CSMD3: variants seen among roughly 807,000 people sequenced by gnomAD.
The protein encoded by CSMD3 is CUB and sushi domain-containing protein 3.
CSMD3 carries 177 observed loss-of-function variants against 435.2 expected under a neutral mutation model. The ratio of observed to expected loss-of-function variants is 0.41; its 90% CI spans 0.36 to 0.46. CSMD3 has a LOEUF of 0.46. Ranked by LOEUF, CSMD3 falls within the 20% of genes least tolerant of loss-of-function variation. The pLI is 0.34. For missense variants in CSMD3, 4,265 were observed against 4,504.6 expected (o/e 0.95, Z 1.52); for synonymous variants, 1,656 against 1,520.5 (o/e 1.09, Z -2.07).
In CSMD3 at chr8:112,593,157, A is replaced by G. The variant is rs1831344002; in HGVS notation, c.3716-5922T>C. ...TAGAAGAACCAGTGATTCATACGCC[A>G]TTCTAAGACATTTGAACTTTATCTT... On this transcript the variant is annotated intron_variant, in intron 22 of 70. Transcript: ENST00000297405. 5.3e-5 allele frequency among the ~76,000 whole-genome samples: 8 copies of G among 152,236 alleles called. No homozygotes were observed. In the South Asian group the frequency reaches 1.7e-3, roughly 32 times the overall value.
intron 13 of CSMD3, among the ~76,000 whole-genome samples, chr8:112,749,326 C>T (rs762990899): frequency 9.9e-5 from 15 of 152,092 alleles, no homozygotes; most frequent in African/African-American, 2.4e-4. Context: ...TTTTGTTGTG[C>T]GCAGGCTCTT....
chr8:112,987,380 G>C (rs1043349541), intron 6 of CSMD3, among the ~76,000 whole-genome samples: 12 of 152,010 alleles, frequency 7.9e-5, no homozygotes, highest in African/African-American at 2.9e-4. Flanking sequence ...AAACGTATTT[G>C]ACATTCCAAT....
rs1373983628 is a variant in CSMD3 at position 112,921,030 on chromosome 8, CACACAT to C, written c.1633+591_1633+596del. 2.0e-3 allele frequency among the ~76,000 whole-genome samples: 283 copies of C among 139,874 alleles called. 3 individuals are homozygous for C. Among genetic ancestry groups the C allele is most frequent in the East Asian group, 9.3e-3 (47 of 5,046 alleles). 91.8% of individuals were successfully genotyped at this position (139,874 alleles called of 152,430 possible). ...ACACACACACACACACACACACACA[CACACAT>C]ATATATACCTCCAGTAATTCCAGAT... On this transcript the variant is annotated intron_variant, in intron 10 of 70. Transcript: ENST00000297405.
intron 7 of CSMD3, among the ~76,000 whole-genome samples, chr8:112,961,640 A>G (rs2084233887): frequency 6.6e-6 from 1 of 151,982 alleles, no homozygotes; most frequent in Non-Finnish European, 1.5e-5. Context: ...CTGTGTTTTA[A>G]TAAAACTAAT....
intron 32 of CSMD3, among the ~76,000 whole-genome samples, chr8:112,441,714 A>G (rs1036384171): frequency 2.0e-5 from 3 of 152,192 alleles, no homozygotes; most frequent in African/African-American, 7.2e-5. Flanking sequence ...AAGGAGAAGA[A>G]TGAGAGAAGT....
chr8:112,535,344 T>C (rs1295496367), intron 27 of CSMD3, among the ~76,000 whole-genome samples: 2 of 152,272 alleles, frequency 1.3e-5, no homozygotes, highest in African/African-American at 4.8e-5. Flanking sequence ...AAAATCAGTG[T>C]ACAAAAATCA....
intron 4 of CSMD3, among the ~76,000 whole-genome samples, chr8:113,135,875 C>A (rs2091405043): frequency 6.6e-6 from 1 of 151,596 alleles, no homozygotes; most frequent in Non-Finnish European, 1.5e-5. Flanking sequence ...CGGGTAACTT[C>A]AAAATATTAA....
At chr8:113,332,725 A>G (rs1231284104) in intron 1 of CSMD3, among the ~76,000 whole-genome samples, 4 of 151,772 alleles carry the variant, frequency 2.6e-5, no homozygotes, top group East Asian at 3.9e-4. Context: ...TTCAAGCAGT[A>G]CCTTGCAAAA....
At chr8:113,394,743 T>C (rs986585660) in intron 1 of CSMD3, among the ~76,000 whole-genome samples, 1 of 152,108 alleles carries the variant, frequency 6.6e-6, no homozygotes, top group African/African-American at 2.4e-5. Context: ...CATCAACATG[T>C]ACATGAAAGA....
At chr8:112,997,709 C>A (rs559741145) in intron 6 of CSMD3, among the ~76,000 whole-genome samples, 3 of 151,556 alleles carry the variant, frequency 2.0e-5, no homozygotes, top group African/African-American at 7.2e-5. Flanking sequence ...GCTTTTTATG[C>A]TAAATCTCTC....
At chr8:112,880,726 G>GT (rs2081423785) in intron 10 of CSMD3, among the ~76,000 whole-genome samples, 1 of 151,818 alleles carries the variant, frequency 6.6e-6, no homozygotes, top group Middle Eastern at 3.4e-3. Flanking sequence ...TTGGATTTTT[G>GT]TTTTTTTGTC....
At chr8:112,225,964 GCTAT>G (rs1812514992) in intron 70 of CSMD3, among the ~76,000 whole-genome samples, 1 of 152,122 alleles carries the variant, frequency 6.6e-6, no homozygotes, top group Admixed American at 6.6e-5. Flanking sequence ...CAGACTTGCT[GCTAT>G]CTGTTTCTGG....
intron 5 of CSMD3, among the ~76,000 whole-genome samples, chr8:113,071,593 T>C (rs187179241): frequency 6.6e-6 from 1 of 152,094 alleles, no homozygotes; most frequent in East Asian, 1.9e-4. Flanking sequence ...TGTGTGTTCT[T>C]GGCAACCTTG....
At chr8:112,949,442 T>G (rs2083730471) in intron 8 of CSMD3, among the ~76,000 whole-genome samples, 1 of 152,038 alleles carries the variant, frequency 6.6e-6, no homozygotes, top group African/African-American at 2.4e-5. Context: ...TTGCCGATTC[T>G]ACTACAGCGG....
At chr8:112,264,280 C>A (rs1816726663) in intron 60 of CSMD3, among the ~76,000 whole-genome samples, 1 of 152,064 alleles carries the variant, frequency 6.6e-6, no homozygotes, top group African/African-American at 2.4e-5. Context: ...AGTATAATAT[C>A]CAAGTTAGTT....
Position 112,636,852 on chromosome 8 carries a change from C to T in CSMD3, c.3680G>A (p.Arg1227Gln), listed in dbSNP as rs1411756886. 1 of 1,613,234 alleles carries T rather than the reference C, an allele frequency of 6.2e-7. No homozygotes were observed. Among genetic ancestry groups the T allele is most frequent in the East Asian group, 2.2e-5 (1 of 44,812 alleles). The change falls in exon 22 of 71, where the codon CGA (arginine) becomes CAA (glutamine). Residue 1227 changes from arginine (R) to glutamine (Q), a missense_variant. Around this residue, in one of 3 missense-constraint regions of CSMD3, gnomAD observed 3,255 missense variants for 3,380.2 expected, o/e 0.96. Transcript: ENST00000297405. ...TGGCAGAGGTGCACTCCACACTCGT[C>T]GGCCACCACCAAGACAGATGATCTC... ...TSEIICLGGG[R>Q]RVWSAPLPRC...
At chr8:113,392,987 GTA>G (rs147048667) in intron 1 of CSMD3, among the ~76,000 whole-genome samples, 32 of 148,870 alleles carry the variant, frequency 2.1e-4, no homozygotes, top group Admixed American at 3.4e-4. Context: ...ATATACATAT[GTA>G]TATATATATA....
At chr8:112,612,806 C>A (rs981017017) in intron 22 of CSMD3, among the ~76,000 whole-genome samples, 2 of 137,592 alleles carry the variant, frequency 1.5e-5, no homozygotes, top group African/African-American at 2.7e-5. Flanking sequence ...TAACTTTGAA[C>A]TCCTGGGCTC....
rs1042101218 is a variant in CSMD3 at position 113,306,401 on chromosome 8, C to T, written c.401+8170G>A. On this transcript the variant is annotated intron_variant, in intron 2 of 70. Transcript: ENST00000297405. The stretch of plus-strand genomic sequence containing the variant: ...AGGAAAACTTGGAGATAGAGACATG[C>T]GAGACAATGTCATCAGGTAGAGTTA... Among the ~76,000 whole-genome samples the T allele has an allele frequency of 7.9e-5, 12 of 152,190 alleles. 1 individual carries two copies. In the South Asian group the frequency reaches 1.9e-3, roughly 24 times the overall value.
Sources: gnomAD v4.1 joint callset for allele counts (sites outside exome capture counted in the v4.1 genomes callset) on GRCh38, gnomAD v4.1.1 for gene constraint, gnomAD v4.1.1 regional missense constraint, MANE v1.5 for transcripts, NCBI Gene and HGNC (gene_info 2026-07-23, HGNC 2026-07-21) for gene names.